The following KALRN variants were observed in gnomAD, a reference collection of about 807,000 sequenced individuals.
KALRN encodes the protein kalirin.
A neutral mutation model predicts 353.7 loss-of-function variants in KALRN; 70 were observed. That is an observed-to-expected ratio of 0.20 (90% confidence interval 0.16 to 0.24). The LOEUF is 0.24. Among genes scored for constraint, KALRN ranks in the 10% least tolerant of loss-of-function variants. The probability of loss-of-function intolerance (pLI) is 1.00; values close to 1 mark genes in which losing one functional copy is unlikely to be tolerated. For missense variants in KALRN, 2,791 were observed against 3,756.7 expected, an observed-to-expected ratio of 0.74 and a Z score of 6.72; for synonymous variants, 1,391 against 1,434.8, an observed-to-expected ratio of 0.97 and a Z score of 0.69.
rs550740110 is a variant in KALRN at position 124,664,971 on chromosome 3, C to A, written c.6346-1478C>A. ...TGTAATATTAATAGAGCTTTCCTGG[C>A]TAGCTGGTCACTGGCTTAATATTAA... On this transcript the variant is annotated intron_variant, in intron 45 of 59. Coordinates refer to ENST00000682506, the MANE Select transcript of KALRN (RefSeq NM_001388419.1). 2.0e-4 allele frequency among the ~76,000 whole-genome samples: 30 copies of A among 152,294 alleles called. No homozygotes were observed. In the South Asian group the frequency reaches 6.2e-3, roughly 32 times the overall value.
intron 10 of KALRN, among the ~76,000 whole-genome samples, chr3:124,348,086 G>GATGA (rs1415662093): frequency 7.2e-5 from 11 of 152,190 alleles, no homozygotes; most frequent in Admixed American, 2.6e-4. Flanking sequence ...TTTTCGAGAT[G>GATGA]AAATACTGCT....
chr3:124,129,145 A>C (rs1032388809), intron 1 of KALRN, among the ~76,000 whole-genome samples: 1 of 152,174 alleles, frequency 6.6e-6, no homozygotes, highest in African/African-American at 2.4e-5. Context: ...CATTGTGCTC[A>C]GGCAGCTTTT....
chr3:124,667,892 G>T (rs2085851494), intron 47 of KALRN, among the ~76,000 whole-genome samples: 1 of 152,126 alleles, frequency 6.6e-6, no homozygotes, highest in South Asian at 2.1e-4. Flanking sequence ...TGGGAAAGGG[G>T]TATGCGATTT....
intron 1 of KALRN, among the ~76,000 whole-genome samples, chr3:124,136,125 T>C (rs2065889741): frequency 6.6e-6 from 1 of 152,170 alleles, no homozygotes; most frequent in Non-Finnish European, 1.5e-5. Flanking sequence ...GGGCCCAGAC[T>C]GGTATTATTT....
At chr3:124,148,567 C>G (rs2067672821) in intron 1 of KALRN, among the ~76,000 whole-genome samples, 1 of 152,166 alleles carries the variant, frequency 6.6e-6, no homozygotes, top group Non-Finnish European at 1.5e-5. Context: ...ATCAAAACAT[C>G]AGTTCTAGAG....
intron 1 of KALRN, among the ~76,000 whole-genome samples, chr3:124,137,734 G>T (rs2066099707): frequency 6.6e-6 from 1 of 152,080 alleles, no homozygotes; most frequent in African/African-American, 2.4e-5. Context: ...GAGGAGGAAA[G>T]CTCTCTCTCC....
chr3:124,437,397 A>G (rs141081419), intron 17 of KALRN, among the ~76,000 whole-genome samples: 46 of 152,346 alleles, frequency 3.0e-4, no homozygotes, highest in African/African-American at 1.0e-3. Flanking sequence ...ATCCAAAGAC[A>G]TCTTTCATCT....
chr3:124,339,356 G>A (rs1409048045), intron 9 of KALRN, among the ~76,000 whole-genome samples: 2 of 152,190 alleles, frequency 1.3e-5, no homozygotes, highest in Admixed American at 1.3e-4. Flanking sequence ...GCAGCTCTCA[G>A]TGGAAGCACA....
chr3:124,117,109 G>T (rs1299395724), intron 1 of KALRN, among the ~76,000 whole-genome samples: 1 of 152,124 alleles, frequency 6.6e-6, no homozygotes, highest in Non-Finnish European at 1.5e-5. Context: ...CCAGCCCCTA[G>T]CCCCTTTTGA....
intron 25 of KALRN, among the ~76,000 whole-genome samples, chr3:124,470,675 C>A (rs2060799511): frequency 6.6e-6 from 1 of 152,084 alleles, no homozygotes; most frequent in Admixed American, 6.6e-5. Context: ...TGGGAATTAC[C>A]CAGGAAGCAT....
At chr3:124,378,824 T>TCTG (rs140220947) in intron 10 of KALRN, among the ~76,000 whole-genome samples, 5,008 of 152,110 alleles carry the variant, frequency 0.033, 206 homozygotes, top group African/African-American at 0.1. Context: ...CTTTTTTTCC[T>TCTG]CTGTCTACTT....
At chr3:124,347,787 G>A (rs965947551) in intron 10 of KALRN, among the ~76,000 whole-genome samples, 7 of 152,054 alleles carry the variant, frequency 4.6e-5, no homozygotes, top group African/African-American at 7.2e-5. Context: ...CCAGCCATGC[G>A]CTCACAGGGT....
chr3:124,664,048 A>G (rs1295283160), intron 45 of KALRN, among the ~76,000 whole-genome samples: 1 of 152,154 alleles, frequency 6.6e-6, no homozygotes, highest in Non-Finnish European at 1.5e-5. Flanking sequence ...CATTAGTGTA[A>G]GCAGGGTTAC....
chr3:124,422,629 C>A (rs1346530357), intron 14 of KALRN, among the ~76,000 whole-genome samples, 183 bp from the exon 15 acceptor site: 1 of 152,062 alleles, frequency 6.6e-6, no homozygotes, highest in African/African-American at 2.4e-5. Flanking sequence ...AAAGAGATGG[C>A]GTAATTTTAG....
chr3:124,246,765 A>G (rs1490235275), intron 3 of KALRN, among the ~76,000 whole-genome samples: 3 of 152,180 alleles, frequency 2.0e-5, no homozygotes, highest in Admixed American at 6.5e-5. Flanking sequence ...GTCAACTTCA[A>G]TGTCAGGTGA....
intron 4 of KALRN, among the ~76,000 whole-genome samples, chr3:124,266,761 C>G (rs1348158344): frequency 6.6e-6 from 1 of 152,164 alleles, no homozygotes; most frequent in Non-Finnish European, 1.5e-5. Flanking sequence ...GTAAACAATA[C>G]AAGAAATTTG....
chr3:124,474,414 C>T (rs1357274446), intron 25 of KALRN, among the ~76,000 whole-genome samples: 1 of 151,398 alleles, frequency 6.6e-6, no homozygotes, highest in Non-Finnish European at 1.5e-5. Flanking sequence ...TTATTATTTA[C>T]TTTCACTTCT....
chr3:124,710,439 C>T (rs1331841484), intron 57 of KALRN, among the ~76,000 whole-genome samples: 1 of 152,098 alleles, frequency 6.6e-6, no homozygotes, highest in Non-Finnish European at 1.5e-5. Context: ...TATTGAGAGT[C>T]ATAGAAGTAA....
chr3:124,684,703 G>A (rs2061481454), intron 51 of KALRN, among the ~76,000 whole-genome samples: 1 of 152,204 alleles, frequency 6.6e-6, no homozygotes, highest in African/African-American at 2.4e-5. Context: ...AAAACATTGA[G>A]ATCCCGACCG....
Sources: gnomAD v4.1 joint callset for allele counts (sites outside exome capture counted in the v4.1 genomes callset) on GRCh38, gnomAD v4.1.1 for gene constraint, MANE v1.5 for transcripts, NCBI Gene and HGNC (gene_info 2026-07-23, HGNC 2026-07-21) for gene names.